The following S100Z variants were observed in gnomAD, a reference collection of about 807,000 sequenced individuals.
The protein encoded by S100Z is protein S100-Z.
A neutral mutation model predicts 8.5 loss-of-function variants in S100Z; 11 were observed. That is an observed-to-expected ratio of 1.30 (90% CI 0.82 to 2.15). The LOEUF (loss-of-function observed/expected upper bound fraction) is 2.15. Among genes scored for constraint, S100Z ranks in the 30% most tolerant of loss-of-function variants. The pLI, the probability that S100Z is intolerant of heterozygous loss-of-function variation, is 0.00. For missense variants in S100Z, 126 were observed against 117.9 expected, an observed-to-expected ratio of 1.07 and a Z score of -0.32; for synonymous variants, 34 against 43.8, an observed-to-expected ratio of 0.78 and a Z score of 0.89.
rs1055730033 is a variant in S100Z at position 76,875,216 on chromosome 5, C to T, written c.-56-88C>T. 4.1e-6 allele frequency: 3 copies of T among 725,466 alleles called. No individual in the cohort carries two copies. In the African/African-American group the frequency reaches 5.4e-5, roughly 13 times the overall value. 44.9% of individuals were successfully genotyped at this position (725,466 alleles called of 1,614,324 possible). A position where few individuals can be genotyped will look rare whatever the true frequency, so the allele number is the denominator to read the frequency against. On this transcript the variant is annotated intron_variant, in intron 2 of 4. Coordinates refer to ENST00000317593, the MANE Select transcript of S100Z (RefSeq NM_130772.4). The stretch of plus-strand genomic sequence containing the variant: ...AGACTATTATGTTTTTAACAACCAT[C>T]ACTTGTGTGGCGAGCTGACTCGGGG...
chr5:76,918,300 G>A (rs1200377080), intron 4 of S100Z, among the ~76,000 whole-genome samples: 3 of 152,068 alleles, frequency 2.0e-5, no homozygotes, highest in South Asian at 2.1e-4. Context: ...TCTGCCTCCC[G>A]GGCTCAAGTG....
intron 3 of S100Z, 138 bp from the exon 4 acceptor site, chr5:76,877,536 G>A (rs928650774): frequency 8.1e-6 from 5 of 614,698 alleles, no homozygotes; most frequent in African/African-American, 7.4e-5. Flanking sequence ...ACACCTACCT[G>A]TAAATAGGTT....
At chr5:76,858,461 T>G (rs1750948150) in intron 1 of S100Z, among the ~76,000 whole-genome samples, 1 of 151,814 alleles carries the variant, frequency 6.6e-6, no homozygotes, top group East Asian at 1.9e-4. Flanking sequence ...AGGCAGAGAT[T>G]GCAGTGAGCT....
chr5:76,910,789 C>T (rs534138311), intron 4 of S100Z, among the ~76,000 whole-genome samples: 58 of 152,290 alleles, frequency 3.8e-4, no homozygotes, highest in South Asian at 1.0e-3. Context: ...TGGACACTGG[C>T]GCGGCCTTCT....
At chr5:76,889,849 CA>C (rs1410467361) in intron 4 of S100Z, among the ~76,000 whole-genome samples, 1 of 152,160 alleles carries the variant, frequency 6.6e-6, no homozygotes, top group Non-Finnish European at 1.5e-5. Flanking sequence ...GTTTAAAATT[CA>C]AGGACCATCT....
At chr5:76,904,282 C>T (rs1035098035) in intron 4 of S100Z, among the ~76,000 whole-genome samples, 3 of 152,116 alleles carry the variant, frequency 2.0e-5, no homozygotes, top group Non-Finnish European at 4.4e-5. Context: ...GCAACCTTCA[C>T]CTCCCAGGCT....
intron 1 of S100Z, among the ~76,000 whole-genome samples, chr5:76,869,014 G>C (rs1742898658): frequency 6.6e-6 from 1 of 152,132 alleles, no homozygotes; most frequent in Non-Finnish European, 1.5e-5. Context: ...TGGAATAAAG[G>C]CAATCAAATA....
the S100Z span, among the ~76,000 whole-genome samples, chr5:76,928,000 G>A: frequency 3.3e-5 from 5 of 152,170 alleles, no homozygotes; most frequent in Non-Finnish European, 5.9e-5. Flanking sequence ...CTGAGGACGT[G>A]GGGGTTTGGG....
chr5:76,885,031 G>T (rs6884425), intron 4 of S100Z, among the ~76,000 whole-genome samples: 3 of 151,972 alleles, frequency 2.0e-5, no homozygotes, highest in Non-Finnish European at 4.4e-5. Flanking sequence ...GACAAAAATT[G>T]TCTAGATCTC....
intron 4 of S100Z, among the ~76,000 whole-genome samples, chr5:76,891,042 A>G (rs969369597): frequency 6.6e-6 from 1 of 151,998 alleles, no homozygotes. Flanking sequence ...TTGTATTTTT[A>G]GTAGAGATGG....
chr5:76,896,925 T>C (rs1367998253), intron 4 of S100Z, among the ~76,000 whole-genome samples: 2 of 152,204 alleles, frequency 1.3e-5, no homozygotes, highest in Non-Finnish European at 2.9e-5. Flanking sequence ...CCTTAAATAT[T>C]CTGATTATTA....
intron 4 of S100Z, among the ~76,000 whole-genome samples, chr5:76,909,940 G>A (rs955842581): frequency 1.3e-5 from 2 of 152,184 alleles, no homozygotes; most frequent in South Asian, 2.1e-4. Context: ...GGAGATACCT[G>A]GTATCTTAGT....
At chr5:76,888,485 CCT>C (rs1337190790) in intron 4 of S100Z, among the ~76,000 whole-genome samples, 1 of 142,388 alleles carries the variant, frequency 7.0e-6, no homozygotes, top group Non-Finnish European at 1.5e-5. Flanking sequence ...ACGCCATTCT[CCT>C]GTCTCAGCCT....
intron 1 of S100Z, among the ~76,000 whole-genome samples, chr5:76,851,786 C>G (rs2150615987): frequency 6.6e-6 from 1 of 152,218 alleles, no homozygotes; most frequent in East Asian, 1.9e-4. Context: ...ATGAAGATAA[C>G]ACAAAGTAGA....
the S100Z span, among the ~76,000 whole-genome samples, chr5:76,946,549 C>T: frequency 6.6e-6 from 1 of 152,010 alleles, no homozygotes; most frequent in Non-Finnish European, 1.5e-5. Flanking sequence ...AACTTAGTTC[C>T]CTCTTTTTCT....
chr5:76,930,195 C>T, the S100Z span, among the ~76,000 whole-genome samples: 2 of 152,168 alleles, frequency 1.3e-5, no homozygotes, highest in African/African-American at 2.4e-5. Context: ...TTCCTAAATT[C>T]GTCTGTGCTA....
At chr5:76,910,085 T>G (rs1744594408) in intron 4 of S100Z, among the ~76,000 whole-genome samples, 1 of 152,224 alleles carries the variant, frequency 6.6e-6, no homozygotes, top group African/African-American at 2.4e-5. Flanking sequence ...TGTTGACCTG[T>G]GTTCTAGAAG....
chr5:76,901,604 C>T (rs924368405), intron 4 of S100Z, among the ~76,000 whole-genome samples: 2 of 152,038 alleles, frequency 1.3e-5, no homozygotes, highest in African/African-American at 4.8e-5. Flanking sequence ...TGGCCTGGGT[C>T]TCACCCTTCA....
chr5:76,931,571 C>T, the S100Z span, among the ~76,000 whole-genome samples: 10 of 152,188 alleles, frequency 6.6e-5, no homozygotes, highest in African/African-American at 1.9e-4. Context: ...GGGGCACAGA[C>T]ATTCAGTCCA....
Sources: allele counts gnomAD v4.1 joint callset (sites outside exome capture counted in the v4.1 genomes callset), GRCh38; gene constraint gnomAD v4.1.1; transcripts MANE v1.5; gene names NCBI Gene and HGNC (gene_info 2026-07-23, HGNC 2026-07-21).